DNAH6: variants seen among roughly 807,000 people sequenced by gnomAD.
DNAH6 encodes the protein axonemal beta dynein heavy chain 6.
DNAH6 carries 340 observed loss-of-function variants against 491.4 expected under a neutral mutation model. That is an observed-to-expected ratio of 0.69 (90% CI 0.63 to 0.76). The LOEUF (loss-of-function observed/expected upper bound fraction) is 0.76, where lower values mean the gene tolerates loss of function less well. Among genes scored for constraint, DNAH6 ranks in the 30% least tolerant of loss-of-function variants. The probability of loss-of-function intolerance (pLI) is 0.00; values close to 1 mark genes in which losing one functional copy is unlikely to be tolerated. For synonymous variants in DNAH6, 1,603 were observed against 1,686.1 expected (o/e 0.95, Z 1.21); for missense variants, 4,443 against 4,972.2 (o/e 0.89, Z 3.20).
chr2:84,623,175 T>C (rs1314473072), intron 26 of DNAH6, among the ~76,000 whole-genome samples: 1 of 152,148 alleles, frequency 6.6e-6, no homozygotes, highest in Non-Finnish European at 1.5e-5. Flanking sequence ...GCTTTGACAA[T>C]GGCGTTGGCA....
intron 62 of DNAH6, among the ~76,000 whole-genome samples, chr2:84,743,546 G>A (rs1047408392): frequency 1.3e-5 from 2 of 152,160 alleles, no homozygotes; most frequent in Admixed American, 6.6e-5. Context: ...ATTAAGCTAG[G>A]TGTGGTGGCT....
chr2:84,611,421 A>T (rs184142890), intron 21 of DNAH6, among the ~76,000 whole-genome samples: 1 of 152,024 alleles, frequency 6.6e-6, no homozygotes, highest in African/African-American at 2.4e-5. Context: ...TATTTTAATC[A>T]TGTTTCTCTG....
intron 68 of DNAH6, among the ~76,000 whole-genome samples, chr2:84,791,800 G>A (rs1247506923): frequency 6.6e-6 from 1 of 151,850 alleles, no homozygotes; most frequent in Non-Finnish European, 1.5e-5. Context: ...GCTTTATCCA[G>A]GTGACGATAC....
intron 72 of DNAH6, among the ~76,000 whole-genome samples, chr2:84,812,072 C>T (rs1294641680): frequency 6.6e-6 from 1 of 152,176 alleles, no homozygotes; most frequent in Non-Finnish European, 1.5e-5. Flanking sequence ...GCCACTTCTC[C>T]AGGCTTCAGG....
In DNAH6 at chr2:84,707,692, T is replaced by A. The variant is rs1341540517; in HGVS notation, c.9024T>A (p.Ala3008=). The change falls in exon 54 of 77, where the codon GCT becomes GCA. Residue 3008 remains alanine, a synonymous_variant. Transcript: ENST00000389394. ...IAAACVAYYG[A]FTAQYRQSLI... is the part of the protein sequence containing the mutation. ...CAGCTTGTGTGGCCTACTATGGGGC[T>A]TTCACAGCCCAGTACAGGCAGTCAG... is the stretch of plus-strand genomic sequence containing the variant. 65 of 1,552,166 alleles carry A rather than the reference T, an allele frequency of 4.2e-5. No individual in the cohort carries two copies. Among genetic ancestry groups the A allele is most frequent in the Non-Finnish European group, 5.5e-5 (63 of 1,147,106 alleles).
At chr2:84,802,615 G>A (rs992898502) in intron 70 of DNAH6, among the ~76,000 whole-genome samples, 2 of 151,920 alleles carry the variant, frequency 1.3e-5, no homozygotes, top group African/African-American at 2.4e-5. Context: ...AGCAGGGGGT[G>A]GGGGGACTTC....
intron 45 of DNAH6, 124 bp downstream of exon 45, chr2:84,688,717 C>T: frequency 1.4e-6 from 1 of 694,844 alleles, no homozygotes; most frequent in Non-Finnish European, 2.2e-6. Flanking sequence ...TTTATTAACT[C>T]TCACCATAAC....
In DNAH6 at chr2:84,819,333, C is replaced by T; in HGVS notation, c.12402C>T (p.Val4134=). Residue 4134 remains valine, a synonymous_variant, in exon 77 of 77, where the codon GTC becomes GTT. Coordinates refer to ENST00000389394, the MANE Select transcript of DNAH6 (RefSeq NM_001370.2). ...ATTCAACCAATTTTGTGGTAACCGT[C>T]CTGTTACCCTCCAAGCGGTCCAAAG... ...TGHSTNFVVT[V]LLPSKRSKDY... The T allele has an allele frequency of 6.4e-7, 1 of 1,551,032 alleles. No individual in the cohort carries two copies. The highest frequency in any genetic ancestry group is 1.2e-5 in the South Asian group (1 of 83,866).
chr2:84,536,665 A>G (rs1421489390), intron 4 of DNAH6, among the ~76,000 whole-genome samples: 1 of 152,022 alleles, frequency 6.6e-6, no homozygotes, highest in Admixed American at 6.6e-5. Flanking sequence ...GACTAGTCGA[A>G]AAGGGAGTTT....
Position 84,602,482 on chromosome 2 carries a change from C to CT in DNAH6, c.2869-1831dup, listed in dbSNP as rs3029846. On this transcript the variant is annotated intron_variant, in intron 18 of 76. Transcript: ENST00000389394. ...TCATTGTTCTATAGATGTTGTGTCC[C>CT]TTTTTTTTTTTTTTTTTTTTTTTTT... Among the ~76,000 whole-genome samples, 218 of 32,030 alleles carry CT rather than the reference C, an allele frequency of 6.8e-3. 24 individuals carry two copies. Among genetic ancestry groups the CT allele is most frequent in the African/African-American group, 0.026 (188 of 7,164 alleles). 21.0% of individuals were successfully genotyped at this position (32,030 alleles called of 152,430 possible). A position where few individuals can be genotyped will look rare whatever the true frequency, so the allele number is the denominator to read the frequency against.
rs531509532 is a variant in DNAH6 at position 84,666,261 on chromosome 2, T to G, written c.6085-3028T>G. Among the ~76,000 whole-genome samples the G allele has an allele frequency of 7.2e-5, 11 of 152,106 alleles. No homozygotes were observed. The East Asian group carries it at 1.5e-3, about 21-fold the overall frequency. On this transcript the variant is annotated intron_variant, in intron 37 of 76. Coordinates refer to ENST00000389394, the MANE Select transcript of DNAH6 (RefSeq NM_001370.2). ...TGGAAGTTCTGGCCAGGGCAATCAG[T>G]CAGGAGAAAGAAATAAAGGGTATTC...
At position 84,817,974 on chromosome 2, in the gene DNAH6, C is replaced by T. The variant is rs944253729; in HGVS notation, c.12374-1331C>T. ...ACCTTCCATTAAGCCCCATCTCCAA[C>T]ATTGGGGATCAAATTTCAACATGAG... On this transcript the variant is annotated intron_variant, in intron 76 of 76. Transcript: ENST00000389394. Among the ~76,000 whole-genome samples the T allele has an allele frequency of 2.6e-5, 4 of 152,306 alleles. No individual in the cohort carries two copies. The South Asian group carries it at 8.3e-4, about 32-fold the overall frequency.
chr2:84,588,930 T>G lies in DNAH6; in HGVS notation c.2586T>G (p.Tyr862Ter). 1 of 1,548,702 alleles carries G rather than the reference T, an allele frequency of 6.5e-7. No homozygotes were observed. Among genetic ancestry groups the G allele is most frequent in the Non-Finnish European group, 8.7e-7 (1 of 1,146,082 alleles). The change falls in exon 16 of 77, where the codon TAT becomes TAG. Residue 862 changes from tyrosine (Y) to a stop codon, truncating the protein, a stop_gained. Coordinates refer to ENST00000389394, the MANE Select transcript of DNAH6 (RefSeq NM_001370.2). LOFTEE classifies it high-confidence loss of function. Reference protein sequence around the residue: ...LADLQKRAFQYKSYQKNFKVE... With the variant: ...LADLQKRAFQ The stretch of plus-strand genomic sequence containing the variant: ...ATCTTCAGAAACGTGCATTTCAGTA[T>G]AAGTCCTATCAGAAGAATTTTAAGG...
chr2:84,459,729 C>T, the DNAH6 span: 1 of 157,614 alleles, frequency 6.3e-6, no homozygotes, highest in Non-Finnish European at 1.4e-5. Flanking sequence ...CTTCCCCCTT[C>T]GTTTTCCTCG....
the DNAH6 span, among the ~76,000 whole-genome samples, chr2:84,464,444 A>C: frequency 6.6e-6 from 1 of 152,104 alleles, no homozygotes; most frequent in Admixed American, 6.6e-5. Context: ...ATCCCAAGAG[A>C]GGGTTCTTAG....
At chr2:84,795,017 T>C (rs4387805) in intron 68 of DNAH6, among the ~76,000 whole-genome samples, 44 of 150,128 alleles carry the variant, frequency 2.9e-4, no homozygotes, top group Non-Finnish European at 5.0e-4. Context: ...GATGAGTTCA[T>C]GTCCTTTGTA....
chr2:84,596,070 T>C (rs1261051975), intron 18 of DNAH6, among the ~76,000 whole-genome samples: 3 of 152,160 alleles, frequency 2.0e-5, no homozygotes, highest in African/African-American at 4.8e-5. Flanking sequence ...GCTAAGATAC[T>C]GATGTGCTCA....
intron 63 of DNAH6, 53 bp downstream of exon 63, chr2:84,745,302 T>G (rs1209975710): frequency 8.1e-7 from 1 of 1,236,410 alleles, no homozygotes; most frequent in African/African-American, 1.6e-5. Context: ...CTACTAAAGC[T>G]CACTAGCCAG....
At chr2:84,539,574 C>A (rs1678036147) in intron 4 of DNAH6, among the ~76,000 whole-genome samples, 1 of 152,054 alleles carries the variant, frequency 6.6e-6, no homozygotes. Flanking sequence ...AGTTATGCAT[C>A]ATGGACCTAC....
Sources: gnomAD v4.1 joint callset for allele counts (sites outside exome capture counted in the v4.1 genomes callset) on GRCh38, gnomAD v4.1.1 for gene constraint, MANE v1.5 for transcripts, NCBI Gene and HGNC (gene_info 2026-07-23, HGNC 2026-07-21) for gene names.